The following FARP1 variants were observed in gnomAD, a reference collection of about 807,000 sequenced individuals.
The protein encoded by FARP1 is FERM, ARH/RhoGEF and pleckstrin domain protein 1.
In FARP1, 52 loss-of-function variants were observed where a neutral mutation model predicts 128.8. That is an observed-to-expected ratio of 0.40 (90% CI 0.32 to 0.51). The LOEUF is 0.51. FARP1 is among the 20% of genes least tolerant of loss of function. The pLI is 0.45. For missense variants in FARP1, 1,333 were observed against 1,367.9 expected (o/e 0.97, Z 0.40); for synonymous variants, 580 against 551.8 (o/e 1.05, Z -0.72).
At chr13:98,424,396 A>C (rs1170492826) in intron 16 of FARP1, among the ~76,000 whole-genome samples, 176 bp from the exon 17 acceptor site, 2 of 152,186 alleles carry the variant, frequency 1.3e-5, no homozygotes, top group Non-Finnish European at 2.9e-5. Flanking sequence ...TTGCAGGATG[A>C]GTGGGGTAAT....
intron 1 of FARP1, among the ~76,000 whole-genome samples, chr13:98,188,880 A>G (rs2139227806): frequency 6.6e-6 from 1 of 152,320 alleles, no homozygotes; most frequent in Non-Finnish European, 1.5e-5. Context: ...TCTGTCATTG[A>G]TACCAATTGA....
intron 2 of FARP1, among the ~76,000 whole-genome samples, chr13:98,214,587 G>A (rs6491403): frequency 0.55 from 83,054 of 151,978 alleles, 24,944 homozygotes; most frequent in African/African-American, 0.8. Context: ...ATGAGTCAGC[G>A]AATTATATTT....
rs1330317913 is a variant in FARP1 at position 98,373,540 on chromosome 13, AC to A, written c.399-4280del. On this transcript the variant is annotated intron_variant, in intron 5 of 26. Transcript: ENST00000319562. ...TCCAGAGACAGACAGACAGACACAC[AC>A]ACACACACACACACACACACACACA... Among the ~76,000 whole-genome samples the A allele has an allele frequency of 1.5e-3, 200 of 130,078 alleles. 3 individuals are homozygous for A. Among genetic ancestry groups the A allele is most frequent in the Non-Finnish European group, 3.1e-3 (185 of 59,010 alleles). The allele number at this position is 130,078 out of a possible 152,430, so 85.3% of individuals were successfully genotyped here.
At chr13:98,244,648 AC>A (rs766235178) in intron 2 of FARP1, 1 of 1,614,232 alleles carries the variant, frequency 6.2e-7, no homozygotes, top group Non-Finnish European at 8.5e-7. Flanking sequence ...TCTTACACAA[AC>A]TGGGCTGGAA....
At chr13:98,368,089 C>T (rs756552656) in intron 4 of FARP1, 28 bp from the exon 5 acceptor site, 2 of 1,565,214 alleles carry the variant, frequency 1.3e-6, no homozygotes, top group Non-Finnish European at 1.8e-6. Flanking sequence ...TCAGTAAATG[C>T]TTTACTTCTT....
intron 2 of FARP1, chr13:98,328,296 C>T (rs1236621299): frequency 6.6e-6 from 1 of 152,210 alleles, no homozygotes; most frequent in Non-Finnish European, 1.5e-5. Flanking sequence ...GACCTCCCAT[C>T]CCCTCACAGC....
At chr13:98,223,809 C>T (rs191643040) in intron 2 of FARP1, among the ~76,000 whole-genome samples, 4 of 152,292 alleles carry the variant, frequency 2.6e-5, no homozygotes, top group Admixed American at 2.6e-4. Flanking sequence ...CTCATCTCCC[C>T]AGAAGCTACT....
chr13:98,442,397 T>C (rs1176426293), intron 24 of FARP1, among the ~76,000 whole-genome samples: 1 of 152,210 alleles, frequency 6.6e-6, no homozygotes, highest in Non-Finnish European at 1.5e-5. Flanking sequence ...TACAAGCCGC[T>C]TGTTTCTAAG....
chr13:98,185,502 A>G (rs1878801941), intron 1 of FARP1, among the ~76,000 whole-genome samples: 1 of 152,166 alleles, frequency 6.6e-6, no homozygotes, highest in African/African-American at 2.4e-5. Flanking sequence ...TTGGGGAGAT[A>G]AGCAAGTGCT....
chr13:98,240,259 A>T, intron 2 of FARP1, among the ~76,000 whole-genome samples: 1 of 152,278 alleles, frequency 6.6e-6, no homozygotes, highest in Non-Finnish European at 1.5e-5. Context: ...TGACGAATGA[A>T]TGATTAGATC....
intron 2 of FARP1, among the ~76,000 whole-genome samples, chr13:98,272,094 A>T (rs113732246): frequency 0.047 from 7,154 of 151,762 alleles, 529 homozygotes; most frequent in African/African-American, 0.16. Flanking sequence ...CAGTGGTGCG[A>T]TCTTGGCTCA....
At chr13:98,229,054 T>C (rs1448734886) in intron 2 of FARP1, among the ~76,000 whole-genome samples, 1 of 152,228 alleles carries the variant, frequency 6.6e-6, no homozygotes, top group Non-Finnish European at 1.5e-5. Context: ...TCCCTGCTGC[T>C]CTAGACATGC....
intron 2 of FARP1, among the ~76,000 whole-genome samples, chr13:98,228,420 T>C (rs1195142563): frequency 6.6e-6 from 1 of 151,226 alleles, no homozygotes; most frequent in Non-Finnish European, 1.5e-5. Context: ...TACCTGTTTT[T>C]TTAAATCACA....
At position 98,452,028 on chromosome 13, in the gene FARP1, T is replaced by C. The variant is rs1893219667; in HGVS notation, c.*3711T>C. On this transcript the variant is annotated 3_prime_UTR_variant, in exon 27 of 27. Coordinates refer to ENST00000319562, the MANE Select transcript of FARP1 (RefSeq NM_005766.4). ...CCTGGGCACTCGGCAGCTCCAGGCC[T>C]GGGGACTTCTCCCTGGAGTCTTCCA... The C allele has an allele frequency of 6.6e-6, 1 of 152,202 alleles. No homozygotes were observed. The highest frequency in any genetic ancestry group is 1.5e-5 in the Non-Finnish European group (1 of 68,100). 9.4% of individuals were successfully genotyped at this position (152,202 alleles called of 1,614,324 possible).
chr13:98,211,968 C>T (rs1441591599), intron 1 of FARP1, among the ~76,000 whole-genome samples: 3 of 152,184 alleles, frequency 2.0e-5, no homozygotes, highest in East Asian at 1.9e-4. Context: ...TCTCCACACA[C>T]GTGGGCTCAA....
chr13:98,175,171 A>G (rs1483379086), intron 1 of FARP1, among the ~76,000 whole-genome samples: 1 of 152,208 alleles, frequency 6.6e-6, no homozygotes, highest in East Asian at 1.9e-4. Flanking sequence ...TCTTCAAGGA[A>G]TTCACAGCCA....
chr13:98,209,982 G>A (rs1481173949), intron 1 of FARP1, among the ~76,000 whole-genome samples: 5 of 150,294 alleles, frequency 3.3e-5, no homozygotes, highest in African/African-American at 1.2e-4. Flanking sequence ...AGATTCCATT[G>A]CAAATAATAA....
intron 2 of FARP1, among the ~76,000 whole-genome samples, chr13:98,253,414 C>T (rs1029695685): frequency 6.6e-6 from 1 of 152,080 alleles, no homozygotes; most frequent in African/African-American, 2.4e-5. Context: ...AGTCAGATAT[C>T]CCAATCTGGC....
At chr13:98,406,538 C>A (rs1310367199) in intron 13 of FARP1, 2 of 152,170 alleles carry the variant, frequency 1.3e-5, no homozygotes, top group Non-Finnish European at 2.9e-5. Flanking sequence ...GCCAACTGAC[C>A]ACCCTAATTT....
Sources: allele counts gnomAD v4.1 joint callset (sites outside exome capture counted in the v4.1 genomes callset), GRCh38; gene constraint gnomAD v4.1.1; transcripts MANE v1.5; gene names NCBI Gene and HGNC (gene_info 2026-07-23, HGNC 2026-07-21).